ZFYVE16: variants seen among roughly 807,000 people sequenced by gnomAD.
The protein encoded by ZFYVE16 is zinc finger FYVE domain-containing protein 16.
ZFYVE16 carries 89 observed loss-of-function variants against 138.1 expected under a neutral mutation model. The observed-to-expected ratio is 0.64, with a 90% CI of 0.54 to 0.77. ZFYVE16 has a LOEUF of 0.77. Ranked by LOEUF, ZFYVE16 falls within the 30% of genes least tolerant of loss-of-function variation. ZFYVE16 has a pLI of 0.00. For missense variants in ZFYVE16, 1,793 were observed against 1,786.7 expected (o/e 1.00, Z -0.06); for synonymous variants, 596 against 618.3 (o/e 0.96, Z 0.53).
intron 5 of ZFYVE16, chr5:80,441,701 G>A: frequency 3.0e-6 from 3 of 985,360 alleles, no homozygotes; most frequent in African/African-American, 3.5e-5. Flanking sequence ...ATATCAATAA[G>A]TAGATTTGAG....
At chr5:80,469,739 TC>T (rs1754111164) in intron 15 of ZFYVE16, among the ~76,000 whole-genome samples, 1 of 152,132 alleles carries the variant, frequency 6.6e-6, no homozygotes, top group South Asian at 2.1e-4. Context: ...GCTCATTTTT[TC>T]TTCAATGTTT....
rs1056396380 is a variant in ZFYVE16, at chr5:80,438,584, A to G, written c.1899A>G (p.Gln633=). The change falls in exon 4 of 19, where the codon CAA becomes CAG. Residue 633 remains glutamine, a synonymous_variant. Transcript: ENST00000505560. ...CCAGTAAGTCTGAGATTACAAATCA[A>G]TTATCGGTCTCTGATATTAACAGTC... ...LPTSKSEITN[Q]LSVSDINSQS... 5.6e-6 allele frequency: 9 copies of G among 1,614,156 alleles called. No homozygotes were observed. Among genetic ancestry groups the G allele is most frequent in the Middle Eastern group, 1.6e-4 (1 of 6,062 alleles).
Position 80,433,023 on chromosome 5 carries a change from G to A in ZFYVE16, c.-39-1086G>A, listed in dbSNP as rs377345198. ...ACTAGTTCAACCATTGTGGACGTCAGTGTGGCGATTCCTTAGGGATCTAGA... is the reference window on the plus strand; with the variant it reads ...ACTAGTTCAACCATTGTGGACGTCAATGTGGCGATTCCTTAGGGATCTAGA... On this transcript the variant is annotated intron_variant, in intron 2 of 18. Transcript: ENST00000505560. Among the ~76,000 whole-genome samples, 3 of 152,298 alleles carry A rather than the reference G, an allele frequency of 2.0e-5. No homozygotes were observed. In the South Asian group the frequency reaches 6.2e-4, roughly 32 times the overall value.
At chr5:80,434,597 C>A (rs1411206230) in intron 3 of ZFYVE16, among the ~76,000 whole-genome samples, 1 of 152,100 alleles carries the variant, frequency 6.6e-6, no homozygotes, top group Non-Finnish European at 1.5e-5. Flanking sequence ...CCACTTCAGC[C>A]TCCAAGTGGG....
intron 5 of ZFYVE16, chr5:80,440,358 A>G: frequency 1.3e-5 from 13 of 1,013,724 alleles, no homozygotes; most frequent in Non-Finnish European, 1.3e-5. Context: ...TAATCTAAAT[A>G]AACACTTACA....
chr5:80,461,247 T>A (rs1166890082), intron 15 of ZFYVE16, among the ~76,000 whole-genome samples: 1 of 152,232 alleles, frequency 6.6e-6, no homozygotes, highest in African/African-American at 2.4e-5. Context: ...TCTGAAACAC[T>A]TCTGGCCCTA....
In ZFYVE16 at chr5:80,416,247, ATTTTTTTTTT is replaced by A. The variant is rs70988469; in HGVS notation, c.-94+8111_-94+8120del. Reference sequence around the variant, plus strand: ...TACTTACGTCAGTATGAATACATAGATTTTTTTTTTTTTTTTTTTTTTTTTTGAGACAAAG... The same window carrying A: ...TACTTACGTCAGTATGAATACATAGATTTTTTTTTTTTTTTTGAGACAAAG... On this transcript the variant is annotated intron_variant, in intron 1 of 18. Coordinates refer to ENST00000505560, the MANE Select transcript of ZFYVE16 (RefSeq NM_001284236.3). Among the ~76,000 whole-genome samples, 637 of 73,372 alleles carry A rather than the reference ATTTTTTTTTT, an allele frequency of 8.7e-3. 5 individuals carry two copies. Among genetic ancestry groups the A allele is most frequent in the African/African-American group, 0.028 (585 of 20,746 alleles). The allele number at this position is 73,372 out of a possible 152,430, so 48.1% of individuals were successfully genotyped here. A position where few individuals can be genotyped will look rare whatever the true frequency, so the allele number is the denominator to read the frequency against.
At chr5:80,456,807 G>GT in intron 13 of ZFYVE16, 138 bp from the exon 14 acceptor site, 1 of 1,067,212 alleles carries the variant, frequency 9.4e-7, no homozygotes, top group Non-Finnish European at 1.3e-6. Context: ...TAAAACATTT[G>GT]TTTCCATCAC....
rs147079455 is a variant in ZFYVE16 at position 80,441,800 on chromosome 5, T to G, written c.2420-1323T>G. ...CCATTTTATGAGTGCCATCATTCAG[T>G]GGCACTTGAGGAAGATTGTTTTAGC... On this transcript the variant is annotated intron_variant, in intron 5 of 18. Transcript: ENST00000505560. 425 of 985,412 alleles carry G rather than the reference T, an allele frequency of 4.3e-4. 3 individuals are homozygous for G. The African/African-American group carries it at 6.8e-3, about 16-fold the overall frequency. The allele number at this position is 985,412 out of a possible 1,614,324, so 61.0% of individuals were successfully genotyped here.
intron 16 of ZFYVE16, 36 bp from the exon 17 acceptor site, chr5:80,473,718 G>A (rs750535057): frequency 2.1e-6 from 3 of 1,420,920 alleles, no homozygotes; most frequent in South Asian, 1.3e-5. Flanking sequence ...ACACATTGGT[G>A]CTAATAATTC....
intron 1 of ZFYVE16, among the ~76,000 whole-genome samples, chr5:80,425,238 G>A (rs1747824888): frequency 6.6e-6 from 1 of 151,936 alleles, no homozygotes; most frequent in African/African-American, 2.4e-5. Flanking sequence ...GTCCCTCTGG[G>A]CATTACTTTA....
rs1190513874 is a variant in ZFYVE16, at chr5:80,434,019, A to G, written c.-39-90A>G. 1.0e-5 allele frequency: 9 copies of G among 864,192 alleles called. No homozygotes were observed. In the East Asian group the frequency reaches 1.4e-4, roughly 13 times the overall value. The allele number at this position is 864,192 out of a possible 1,614,324, so 53.5% of individuals were successfully genotyped here. ...ACTCTTAAATTTTATTTCTGTGTCA[A>G]TTTCTTGACTGTGTTTCCTGGCATG... On this transcript the variant is annotated intron_variant, in intron 2 of 18. Coordinates refer to ENST00000505560, the MANE Select transcript of ZFYVE16 (RefSeq NM_001284236.3).
chr5:80,475,753 T>C (rs956099655), intron 18 of ZFYVE16, among the ~76,000 whole-genome samples: 1 of 152,240 alleles, frequency 6.6e-6, no homozygotes, highest in South Asian at 2.1e-4. Flanking sequence ...TCATGCATAT[T>C]TGATATATGT....
chr5:80,423,453 A>C (rs1013589379), intron 1 of ZFYVE16, among the ~76,000 whole-genome samples: 1 of 152,038 alleles, frequency 6.6e-6, no homozygotes, highest in African/African-American at 2.4e-5. Flanking sequence ...TAAAGGAATG[A>C]GTTTTTGTTT....
At chr5:80,415,962 G>T (rs1308852809) in intron 1 of ZFYVE16, among the ~76,000 whole-genome samples, 2 of 151,784 alleles carry the variant, frequency 1.3e-5, no homozygotes, top group Non-Finnish European at 2.9e-5. Flanking sequence ...CACCACGCCC[G>T]GCCAACTTGC....
intron 7 of ZFYVE16, among the ~76,000 whole-genome samples, chr5:80,447,027 C>T (rs966901074): frequency 1.3e-4 from 19 of 151,868 alleles, no homozygotes; most frequent in South Asian, 2.1e-4. Context: ...TTTGGGAGGC[C>T]GAGGTGGGCG....
rs1345002301 is a variant in ZFYVE16 at position 80,479,258 on chromosome 5, T to G, written c.*1881T>G. On this transcript the variant is annotated 3_prime_UTR_variant, in exon 19 of 19. Transcript: ENST00000505560. ...AAATAGAATGGTTCTTTGTACTCAG[T>G]CTGCAATGATCTATTTTTGGCTTAT... 1 of 152,216 alleles carries G rather than the reference T, an allele frequency of 6.6e-6. No individual in the cohort carries two copies. Among genetic ancestry groups the G allele is most frequent in the Admixed American group, 6.5e-5 (1 of 15,280 alleles). The allele number at this position is 152,216 out of a possible 1,614,324, so 9.4% of individuals were successfully genotyped here.
Position 80,456,575 on chromosome 5 carries a change from A to T in ZFYVE16, c.3795+10A>T. On this transcript the variant is annotated intron_variant, in intron 13 of 18. Transcript: ENST00000505560. ...GAAAAAGTACAGTGATGTAAGTATA[A>T]TTGTTTTATTCAAATGACAATTATT... The T allele has an allele frequency of 6.3e-7, 1 of 1,591,696 alleles. No homozygotes were observed. The highest frequency in any genetic ancestry group is 8.6e-7 in the Non-Finnish European group (1 of 1,164,192).
At chr5:80,460,391 T>C (rs1181578385) in intron 15 of ZFYVE16, among the ~76,000 whole-genome samples, 1 of 152,138 alleles carries the variant, frequency 6.6e-6, no homozygotes, top group African/African-American at 2.4e-5. Flanking sequence ...TCCTCTCCCG[T>C]TTTTAGTGTC....
Sources: allele counts gnomAD v4.1 joint callset (sites outside exome capture counted in the v4.1 genomes callset), GRCh38; gene constraint gnomAD v4.1.1; transcripts MANE v1.5; gene names NCBI Gene and HGNC (gene_info 2026-07-23, HGNC 2026-07-21).